Variants in ANKRD7 observed in about 807,000 individuals in gnomAD.
ANKRD7 encodes ankyrin repeat domain 7.
A neutral mutation model predicts 30.8 loss-of-function variants in ANKRD7; 30 were observed. The observed-to-expected ratio is 0.97, with a 90% confidence interval of 0.73 to 1.32. ANKRD7 has a LOEUF of 1.32. Ranked by LOEUF, ANKRD7 falls within the 40% of genes most tolerant of loss-of-function variation. The probability of loss-of-function intolerance (pLI) is 0.00; values close to 1 mark genes in which losing one functional copy is unlikely to be tolerated. For synonymous variants in ANKRD7, 97 were observed against 106.6 expected, an observed-to-expected ratio of 0.91 and a Z score of 0.55; for missense variants, 264 against 295.7, an observed-to-expected ratio of 0.89 and a Z score of 0.79.
chr7:118,236,924 T>G lies in ANKRD7; in HGVS notation c.710T>G (p.Leu237Arg). Residue 237 changes from leucine (L) to arginine (R), a missense_variant and splice_region_variant, in exon 5 of 7, where the codon CTG becomes CGG. Transcript: ENST00000265224. The stretch of plus-strand genomic sequence containing the variant: ...AATATGTTTATTTCCATGGTTTTAC[T>G]GCGTAAGTGATACTGCATGTCTTTT... The part of the protein sequence containing the change: ...LRNMFISMVL[L>R]HRYPQFTASH... 6.2e-7 allele frequency: 1 copy of G among 1,613,732 alleles called. No individual in the cohort carries two copies.
chr7:118,229,244 T>G (rs1368983459), intron 1 of ANKRD7, among the ~76,000 whole-genome samples: 1 of 152,082 alleles, frequency 6.6e-6, no homozygotes, highest in Non-Finnish European at 1.5e-5. Context: ...AACTGTTACC[T>G]TACTAGTGAG....
intron 1 of ANKRD7, among the ~76,000 whole-genome samples, chr7:118,228,386 G>A (rs1474066395): frequency 6.6e-6 from 1 of 152,104 alleles, no homozygotes; most frequent in Non-Finnish European, 1.5e-5. Context: ...GCTAATACAT[G>A]TTTAATAACA....
chr7:118,239,938 G>T lies in ANKRD7; in HGVS notation c.742G>T (p.Gly248Ter). 1 of 1,597,510 alleles carries T rather than the reference G, an allele frequency of 6.3e-7. No individual in the cohort carries two copies. The highest frequency in any genetic ancestry group is 8.6e-7 in the Non-Finnish European group (1 of 1,169,588). The change falls in exon 6 of 7, where the codon GGA becomes TGA. Residue 248 changes from glycine to a stop codon, truncating the protein, a stop_gained. Transcript: ENST00000265224. LOFTEE classifies it high-confidence loss of function. ...HRYPQFTASHGKKKHAK is the reference protein window; with the variant it reads ...HRYPQFTASH ...ATACCCACAATTCACTGCGAGCCATGGAAAGAAGAAACATGCTAAATAGAC... is the reference window on the plus strand; with the variant it reads ...ATACCCACAATTCACTGCGAGCCATTGAAAGAAGAAACATGCTAAATAGAC...
chr7:118,224,753 A>G lies in ANKRD7; in HGVS notation c.-78A>G. ...TGGAGAGGGCTGCCGGCCGGATGCC[A>G]GGGCAGAGGGGCAGGGCGGACGGCT... On this transcript the variant is annotated 5_prime_UTR_variant, in exon 1 of 7. Transcript: ENST00000265224. 1.3e-6 allele frequency: 2 copies of G among 1,529,168 alleles called. No individual in the cohort carries two copies. The highest frequency in any genetic ancestry group is 4.4e-5 in the Admixed American group (2 of 45,224). 94.7% of individuals were successfully genotyped at this position (1,529,168 alleles called of 1,614,324 possible).
intron 5 of ANKRD7, 51 bp downstream of exon 5, chr7:118,236,977 G>A: frequency 1.3e-6 from 2 of 1,584,644 alleles, no homozygotes; most frequent in African/African-American, 1.3e-5. Flanking sequence ...TGATTATAAG[G>A]ATCAAAGCCT....
chr7:118,226,265 C>CAAAACAGGCA (rs1809539472), intron 1 of ANKRD7, among the ~76,000 whole-genome samples: 1 of 152,152 alleles, frequency 6.6e-6, no homozygotes, highest in African/African-American at 2.4e-5. Flanking sequence ...CATTTGAACT[C>CAAAACAGGCA]GCTGTTTAAT....
chr7:118,224,950 G>A lies in ANKRD7; in HGVS notation c.120G>A (p.Lys40=). ...HRAASVGDLK[K]LKEYLQIKKY... is the part of the protein sequence containing the mutation. Reference sequence around the variant, plus strand: ...CTGCTTCAGTCGGGGATTTGAAGAAGCTGAAGGAATACCTTCAGATCAAGA... The same window carrying A: ...CTGCTTCAGTCGGGGATTTGAAGAAACTGAAGGAATACCTTCAGATCAAGA... Residue 40 remains lysine (K), a synonymous_variant, in exon 1 of 7, where the codon AAG becomes AAA. Transcript: ENST00000265224. 1 of 1,614,182 alleles carries A rather than the reference G, an allele frequency of 6.2e-7. No individual in the cohort carries two copies. Among genetic ancestry groups the A allele is most frequent in the Non-Finnish European group, 8.5e-7 (1 of 1,180,026 alleles).
Position 118,227,301 on chromosome 7 carries a change from T to C in ANKRD7, c.179+2292T>C, listed in dbSNP as rs191644607. On this transcript the variant is annotated intron_variant, in intron 1 of 6. Transcript: ENST00000265224. ...TTGTCATAATTAACATGTATTCATA[T>C]TGTTTATGGGGAAGCTGGGGTGCTG... 3.3e-5 allele frequency among the ~76,000 whole-genome samples: 5 copies of C among 152,328 alleles called. No individual in the cohort carries two copies. In the East Asian group the frequency reaches 9.6e-4, roughly 29 times the overall value.
chr7:118,225,004 A>G lies in ANKRD7; in HGVS notation c.174A>G (p.Lys58=). 6.2e-7 allele frequency: 1 copy of G among 1,613,848 alleles called. No individual in the cohort carries two copies. Among genetic ancestry groups the G allele is most frequent in the Non-Finnish European group, 8.5e-7 (1 of 1,179,890 alleles). The change falls in exon 1 of 7, where the codon AAA becomes AAG. Residue 58 remains lysine (K), a synonymous_variant. Transcript: ENST00000265224. ...ATGATGTAAATATGCAGGACAAAAA[A>G]TACAGGTGACCAGACTGAAGAGCCA... ...KKYDVNMQDK[K]YRTPLHLACA... is the part of the protein sequence containing the mutation.
chr7:118,236,725 G>A, intron 4 of ANKRD7, 65 bp from the exon 5 acceptor site: 1 of 1,538,680 alleles, frequency 6.5e-7, no homozygotes, highest in African/African-American at 1.4e-5. Flanking sequence ...TGAGAAGACT[G>A]AATTTTTAAA....
At chr7:118,239,069 G>A (rs1481923337) in intron 5 of ANKRD7, among the ~76,000 whole-genome samples, 1 of 152,136 alleles carries the variant, frequency 6.6e-6, no homozygotes, top group Non-Finnish European at 1.5e-5. Context: ...TGACTTATAT[G>A]AAAAGGCCAG....
intron 6 of ANKRD7, among the ~76,000 whole-genome samples, chr7:118,241,026 C>T (rs1489240874): frequency 3.3e-5 from 5 of 149,636 alleles, no homozygotes; most frequent in Non-Finnish European, 5.9e-5. Context: ...CGGTGGCGGG[C>T]GCCTGTAGTC....
At chr7:118,227,028 G>T (rs984905514) in intron 1 of ANKRD7, among the ~76,000 whole-genome samples, 9 of 152,012 alleles carry the variant, frequency 5.9e-5, no homozygotes, top group Non-Finnish European at 1.0e-4. Context: ...TAGCTTTCAT[G>T]TTACTCTTAT....
At chr7:118,235,408 C>T (rs1033470281) in intron 3 of ANKRD7, among the ~76,000 whole-genome samples, 11 of 151,932 alleles carry the variant, frequency 7.2e-5, no homozygotes, top group Admixed American at 3.9e-4. Flanking sequence ...GTCAGGAGAT[C>T]GAGACCATCC....
intron 6 of ANKRD7, 64 bp downstream of exon 6, chr7:118,240,062 A>C (rs1029169992): frequency 1.1e-6 from 1 of 926,594 alleles, no homozygotes; most frequent in Non-Finnish European, 1.5e-6. Flanking sequence ...TTTTTTAGGA[A>C]AGGAAACAAC....
At chr7:118,234,577 T>G (rs769470849) in intron 2 of ANKRD7, 32 bp downstream of exon 2, 6 of 1,572,616 alleles carry the variant, frequency 3.8e-6, no homozygotes, top group Non-Finnish European at 5.2e-6. Flanking sequence ...TCAATTGGAA[T>G]GTGTTTGAGT....
chr7:118,233,586 A>T (rs1809675732), intron 1 of ANKRD7, among the ~76,000 whole-genome samples: 2 of 151,750 alleles, frequency 1.3e-5, no homozygotes, highest in African/African-American at 4.8e-5. Flanking sequence ...CCTTTTTGCT[A>T]CTCCTGTGTG....
In ANKRD7 at chr7:118,236,722, A is replaced by G; in HGVS notation, c.576-68A>G. ...TACATTTGAGTAGTAAATTGAGAAGACTGAATTTTTAAAATTAGGCATGTT... is the reference window on the plus strand; with the variant it reads ...TACATTTGAGTAGTAAATTGAGAAGGCTGAATTTTTAAAATTAGGCATGTT... On this transcript the variant is annotated intron_variant, in intron 4 of 6. Transcript: ENST00000265224. 3 of 1,516,874 alleles carry G rather than the reference A, an allele frequency of 2.0e-6. No individual in the cohort carries two copies. The South Asian group carries it at 3.8e-5, about 19-fold the overall frequency. 94.0% of individuals were successfully genotyped at this position (1,516,874 alleles called of 1,614,324 possible). A position where few individuals can be genotyped will look rare whatever the true frequency, so the allele number is the denominator to read the frequency against.
intron 6 of ANKRD7, among the ~76,000 whole-genome samples, chr7:118,241,444 A>G (rs1386282925): frequency 1.3e-5 from 2 of 149,164 alleles, no homozygotes; most frequent in African/African-American, 2.5e-5. Context: ...ACAAATCTAT[A>G]GTGATAATGC....
Sources: allele counts gnomAD v4.1 joint callset (sites outside exome capture counted in the v4.1 genomes callset), GRCh38; gene constraint gnomAD v4.1.1; transcripts MANE v1.5; gene names NCBI Gene and HGNC (gene_info 2026-07-23, HGNC 2026-07-21).